The following TNIK variants were observed in gnomAD, a reference collection of about 807,000 sequenced individuals.
TNIK encodes TRAF2 and NCK-interacting protein kinase.
TNIK carries 49 observed loss-of-function variants against 191.3 expected under a neutral mutation model. That is an observed-to-expected ratio of 0.26 (90% CI 0.20 to 0.32). TNIK has a LOEUF of 0.32. TNIK is among the 10% of genes least tolerant of loss of function. The pLI, the probability that TNIK is intolerant of heterozygous loss-of-function variation, is 1.00. For missense variants in TNIK, 1,155 were observed against 1,702.3 expected, an observed-to-expected ratio of 0.68 and a Z score of 5.66; for synonymous variants, 594 against 600.9, an observed-to-expected ratio of 0.99 and a Z score of 0.17.
intron 2 of TNIK, among the ~76,000 whole-genome samples, chr3:171,270,348 T>C (rs1577310492): frequency 6.6e-6 from 1 of 152,158 alleles, no homozygotes. Context: ...TAGAAGACAG[T>C]ACTACATCTT....
chr3:171,409,059 T>C (rs565418349), intron 1 of TNIK, among the ~76,000 whole-genome samples: 224 of 152,092 alleles, frequency 1.5e-3, no homozygotes, highest in African/African-American at 5.1e-3. Flanking sequence ...ATGAACTATG[T>C]TTTATAGTTA....
intron 10 of TNIK, 150 bp downstream of exon 10, chr3:171,166,945 C>T: frequency 1.1e-6 from 1 of 952,240 alleles, no homozygotes; most frequent in Non-Finnish European, 1.5e-6. Flanking sequence ...GCCACTGATG[C>T]CCAGAGGCTG....
chr3:171,268,768 C>G (rs1478664902), intron 2 of TNIK, among the ~76,000 whole-genome samples: 1 of 151,928 alleles, frequency 6.6e-6, no homozygotes, highest in African/African-American at 2.4e-5. Context: ...ATTGGACAGG[C>G]CAGAGGTCCA....
intron 10 of TNIK, among the ~76,000 whole-genome samples, chr3:171,162,381 A>T (rs1010948470): frequency 3.9e-5 from 6 of 152,144 alleles, no homozygotes; most frequent in African/African-American, 9.7e-5. Context: ...CCAAGATCGC[A>T]CCACTGCACT....
intron 2 of TNIK, among the ~76,000 whole-genome samples, chr3:171,275,066 CT>C (rs1041386611): frequency 6.6e-6 from 1 of 152,140 alleles, no homozygotes; most frequent in African/African-American, 2.4e-5. Context: ...AATAATCTCT[CT>C]TTTTTCTCCT....
rs114502892 is a variant in TNIK at position 171,105,854 on chromosome 3, T to C, written c.2406+1329A>G. 3.4e-3 allele frequency among the ~76,000 whole-genome samples: 511 copies of C among 152,280 alleles called. 2 individuals carry two copies. The highest frequency in any genetic ancestry group is 0.012 in the African/African-American group (486 of 41,550). ...ACTGTAGCACCAGAACTTCACTGTC[T>C]TTCTTTACCTGTTCTGGGAGAAAAC... On this transcript the variant is annotated intron_variant, in intron 21 of 32. Coordinates refer to ENST00000436636, the MANE Select transcript of TNIK (RefSeq NM_015028.4).
chr3:171,196,904 G>A (rs1738750782), intron 4 of TNIK, among the ~76,000 whole-genome samples: 1 of 146,392 alleles, frequency 6.8e-6, no homozygotes, highest in Non-Finnish European at 1.5e-5. Flanking sequence ...ACAGGCACCC[G>A]CCATCACGCC....
rs60887361 is a variant in TNIK at position 171,365,161 on chromosome 3, C to CTTTTTTTTTTTTT, written c.123+4446_123+4458dup. Among the ~76,000 whole-genome samples, 199 of 31,938 alleles carry CTTTTTTTTTTTTT rather than the reference C, an allele frequency of 6.2e-3. 68 individuals carry two copies. Among genetic ancestry groups the CTTTTTTTTTTTTT allele is most frequent in the Non-Finnish European group, 0.01 (157 of 15,446 alleles). The allele number at this position is 31,938 out of a possible 152,430, so 21.0% of individuals were successfully genotyped here. ...AAGGACTACACAAAAGGACTACATTCTTTTTTTTTTTTTTTTTTTTTTTTT... is the reference window on the plus strand; with the variant it reads ...AAGGACTACACAAAAGGACTACATTCTTTTTTTTTTTTTTTTTTTTTTTTTTTTTTTTTTTTTT... On this transcript the variant is annotated intron_variant, in intron 2 of 32. Coordinates refer to ENST00000436636, the MANE Select transcript of TNIK (RefSeq NM_015028.4).
chr3:171,210,043 T>G lies in TNIK; in HGVS notation c.306+1073A>C, dbSNP rs565687717. ...TCTTGCTAATTCAGTAAATTTTGTG[T>G]GTTAGGCACATACAAAACCTCTGGA... On this transcript the variant is annotated intron_variant, in intron 4 of 32. Transcript: ENST00000436636. Among the ~76,000 whole-genome samples the G allele has an allele frequency of 2.1e-3, 322 of 152,284 alleles. 3 individuals are homozygous for G. Among genetic ancestry groups the G allele is most frequent in the Non-Finnish European group, 3.6e-3 (243 of 68,018 alleles).
intron 32 of TNIK, 113 bp downstream of exon 32, chr3:171,066,070 TATTG>T (rs1387858599): frequency 7.5e-7 from 1 of 1,329,550 alleles, no homozygotes; most frequent in African/African-American, 1.5e-5. Context: ...TTCAAGATAA[TATTG>T]ATTGTTTAAC....
intron 1 of TNIK, 53 bp downstream of exon 1, chr3:171,459,954 C>T (rs1273384453): frequency 4.5e-6 from 7 of 1,569,070 alleles, no homozygotes; most frequent in Non-Finnish European, 4.3e-6. Context: ...CGCACCGAGC[C>T]CATTCACCCT....
chr3:171,073,973 T>A (rs1200585067), intron 28 of TNIK, among the ~76,000 whole-genome samples: 1 of 151,724 alleles, frequency 6.6e-6, no homozygotes, highest in East Asian at 1.9e-4. Flanking sequence ...GAACTAAAAA[T>A]AGAACTACCA....
At chr3:171,193,527 T>C (rs577377515) in intron 5 of TNIK, among the ~76,000 whole-genome samples, 1 of 152,354 alleles carries the variant, frequency 6.6e-6, no homozygotes, top group South Asian at 2.1e-4. Context: ...TTCACATCAA[T>C]GTTATAATTT....
intron 5 of TNIK, among the ~76,000 whole-genome samples, chr3:171,193,179 G>A (rs115822935): frequency 0.012 from 1,774 of 152,226 alleles, 31 homozygotes; most frequent in African/African-American, 0.04. Flanking sequence ...GTCTAATCTT[G>A]TAACAATACT....
At chr3:171,142,716 AT>A (rs1362963344) in intron 12 of TNIK, among the ~76,000 whole-genome samples, 1 of 152,250 alleles carries the variant, frequency 6.6e-6, no homozygotes, top group Non-Finnish European at 1.5e-5. Flanking sequence ...TGACTGAATA[AT>A]TTGGATTACA....
rs1273500261 is a variant in TNIK, at chr3:171,059,953, C to T, written c.*3928G>A. On this transcript the variant is annotated 3_prime_UTR_variant, in exon 33 of 33. Coordinates refer to ENST00000436636, the MANE Select transcript of TNIK (RefSeq NM_015028.4). ...TAGTAGCATCATTCAGAATTGTTAT[C>T]AGCATGCTGTGGATTTTCTCATGTT... Among the ~76,000 whole-genome samples the T allele has an allele frequency of 6.6e-6, 1 of 152,202 alleles. No individual in the cohort carries two copies. Among genetic ancestry groups the T allele is most frequent in the African/African-American group, 2.4e-5 (1 of 41,442 alleles).
intron 2 of TNIK, among the ~76,000 whole-genome samples, chr3:171,337,044 C>T (rs1182525229): frequency 6.6e-6 from 1 of 152,166 alleles, no homozygotes; most frequent in Non-Finnish European, 1.5e-5. Flanking sequence ...AGTTTCATGA[C>T]TATAAAATGA....
intron 7 of TNIK, among the ~76,000 whole-genome samples, chr3:171,179,746 G>A (rs913025068): frequency 8.5e-5 from 13 of 152,170 alleles, no homozygotes; most frequent in Admixed American, 1.3e-4. Context: ...CACCGTGCCC[G>A]GCCTGTACCT....
At chr3:171,334,483 T>C (rs908624422) in intron 2 of TNIK, among the ~76,000 whole-genome samples, 2 of 152,120 alleles carry the variant, frequency 1.3e-5, no homozygotes, top group African/African-American at 4.8e-5. Flanking sequence ...CTAGAGCTGA[T>C]TCATGGCCAC....
Sources: allele counts gnomAD v4.1 joint callset (sites outside exome capture counted in the v4.1 genomes callset), GRCh38; gene constraint gnomAD v4.1.1; transcripts MANE v1.5; gene names NCBI Gene and HGNC (gene_info 2026-07-23, HGNC 2026-07-21).